MANF: variants seen among roughly 807,000 people sequenced by gnomAD.
MANF encodes the protein mesencephalic astrocyte derived neurotrophic factor, also known as mesencephalic astrocyte-derived neurotrophic factor.
In MANF, 9 loss-of-function variants were observed where a neutral mutation model predicts 19.1. The ratio of observed to expected loss-of-function variants is 0.47; its 90% confidence interval spans 0.28 to 0.82. The LOEUF (loss-of-function observed/expected upper bound fraction) is 0.82. Ranked by LOEUF, MANF falls within the 40% of genes least tolerant of loss-of-function variation. The pLI is 0.10. For synonymous variants in MANF, 89 were observed against 88.0 expected (o/e 1.01, Z -0.06); for missense variants, 225 against 226.7 (o/e 0.99, Z 0.05).
chr3:51,389,065 A>G lies in MANF; in HGVS notation c.525A>G (p.Ala175=), dbSNP rs782744202. 7.4e-6 allele frequency: 12 copies of G among 1,612,756 alleles called. No individual in the cohort carries two copies. In the Admixed American group the frequency reaches 1.2e-4, roughly 16 times the overall value. ...TGATGCCTAAATATGCCCCCAAGGC[A>G]GCCAGTGCACGGACCGATTTGTAGT... The part of the protein sequence containing the change: ...NELMPKYAPK[A]ASARTDL The change falls in exon 4 of 4, where the codon GCA becomes GCG. Residue 175 remains alanine, a synonymous_variant. Transcript: ENST00000528157.
In MANF at chr3:51,387,799, TCTGGCCCAC is replaced by T; in HGVS notation, c.287_295del (p.Leu96_His98del). The T allele has an allele frequency of 6.2e-7, 1 of 1,613,364 alleles. No individual in the cohort carries two copies. On this transcript the variant is annotated inframe_deletion, in exon 3 of 4. Transcript: ENST00000528157. ...AAATCATCAATGAGGTATCAAAGCC[TCTGGCCCAC>T]CACATCCCTGTGGAGAAGATCTGTG...
chr3:51,389,162 A>C lies in MANF; in HGVS notation c.*73A>C. ...CTTACTCCCAAAACAGCCTTTTTGT[A>C]ATTTATTTTTTAAGTGGGCTCCTGA... On this transcript the variant is annotated 3_prime_UTR_variant, in exon 4 of 4. Transcript: ENST00000528157. 1 of 1,389,032 alleles carries C rather than the reference A, an allele frequency of 7.2e-7. No homozygotes were observed. The highest frequency in any genetic ancestry group is 1.3e-5 in the South Asian group (1 of 76,432). 86.0% of individuals were successfully genotyped at this position (1,389,032 alleles called of 1,614,324 possible). A position where few individuals can be genotyped will look rare whatever the true frequency, so the allele number is the denominator to read the frequency against.
At chr3:51,386,992 G>C in intron 2 of MANF, 1 of 455,766 alleles carries the variant, frequency 2.2e-6, no homozygotes. Flanking sequence ...GTTTACACTG[G>C]CTGAATCTGA....
Position 51,385,451 on chromosome 3 carries a change from G to A in MANF, c.94+15G>A. The A allele has an allele frequency of 8.2e-7, 1 of 1,224,888 alleles. No individual in the cohort carries two copies. The allele number at this position is 1,224,888 out of a possible 1,614,324, so 75.9% of individuals were successfully genotyped here. ...CGACTGCGAAGGTGCGGGATAGGGG[G>A]CCGGGGGCCGCGCTCCGTGACCGTT... is the stretch of plus-strand genomic sequence containing the variant. On this transcript the variant is annotated intron_variant, in intron 1 of 3. Coordinates refer to ENST00000528157, the MANE Select transcript of MANF (RefSeq NM_006010.6).
chr3:51,388,618 T>C (rs994849365), intron 3 of MANF, among the ~76,000 whole-genome samples: 2 of 152,136 alleles, frequency 1.3e-5, no homozygotes, highest in Non-Finnish European at 2.9e-5. Context: ...ACTTGGAAGA[T>C]GGGAACCATG....
At chr3:51,386,781 G>C (rs1559453220) in intron 2 of MANF, 1 of 437,008 alleles carries the variant, frequency 2.3e-6, no homozygotes, top group Non-Finnish European at 4.6e-6. Flanking sequence ...CATGTATGTG[G>C]ACAGGAGAAG....
Position 51,386,295 on chromosome 3 carries a change from T to C in MANF, c.182T>C (p.Ile61Thr), listed in dbSNP as rs374995801. The C allele has an allele frequency of 4.3e-5, 69 of 1,613,978 alleles. No individual in the cohort carries two copies. Among genetic ancestry groups the C allele is most frequent in the African/African-American group, 1.9e-4 (14 of 75,046 alleles). ...FSPATIENELIKFCREARGKE... is the reference protein window; with the variant it reads ...FSPATIENELTKFCREARGKE... Reference sequence around the variant, plus strand: ...CCAGCCACTATTGAAAACGAACTTATAAAGTTCTGCCGGGAAGCAAGAGGC... The same window carrying C: ...CCAGCCACTATTGAAAACGAACTTACAAAGTTCTGCCGGGAAGCAAGAGGC... Residue 61 changes from isoleucine to threonine, a missense_variant, in exon 2 of 4, where the codon ATA (isoleucine) becomes ACA (threonine). Transcript: ENST00000528157.
chr3:51,385,749 G>T, intron 1 of MANF: 1 of 304,048 alleles, frequency 3.3e-6, no homozygotes, highest in Non-Finnish European at 6.0e-6. Context: ...CCCGTTCGGC[G>T]TCGGGAGCTC....
Position 51,385,320 on chromosome 3 carries a change from G to GGAGGAGGAGGAGGATGAGGAGGAT in MANF, c.-14_10dup, listed in dbSNP as rs2110698760. ...GGTCGGCGGCGGCAGCGGAGGAGGAGGAGGAGGAGGAGGATGAGGAGGATG... is the reference window on the plus strand; with the variant it reads ...GGTCGGCGGCGGCAGCGGAGGAGGAGGAGGAGGAGGAGGATGAGGAGGATGAGGAGGAGGAGGATGAGGAGGATG... On this transcript the variant is annotated 5_prime_UTR_variant, in exon 1 of 4. It adds an upstream start codon to the 5' untranslated region. Coordinates refer to ENST00000528157, the MANE Select transcript of MANF (RefSeq NM_006010.6). 5 of 1,222,738 alleles carry GGAGGAGGAGGAGGATGAGGAGGAT rather than the reference G, an allele frequency of 4.1e-6. No individual in the cohort carries two copies. The East Asian group carries it at 1.3e-4, about 31-fold the overall frequency. 75.7% of individuals were successfully genotyped at this position (1,222,738 alleles called of 1,614,324 possible).
rs782087534 is a variant in MANF, at chr3:51,389,026, G to A, written c.486G>A (p.Arg162=). ...KGCAEKSDYI[R]KINELMPKYA... ...GTGCAGAAAAGTCTGACTACATCCG[G>A]AAGATAAATGAACTGATGCCTAAAT... The change falls in exon 4 of 4, where the codon CGG becomes CGA. Residue 162 remains arginine (R), a synonymous_variant. Transcript: ENST00000528157. The A allele has an allele frequency of 6.2e-7, 1 of 1,612,208 alleles. No homozygotes were observed. Among genetic ancestry groups the A allele is most frequent in the South Asian group, 1.1e-5 (1 of 90,618 alleles).
In MANF at chr3:51,385,338, G is replaced by T. The variant is rs13091932; in HGVS notation, c.-5G>T. 1 of 1,231,760 alleles carries T rather than the reference G, an allele frequency of 8.1e-7. No homozygotes were observed. The highest frequency in any genetic ancestry group is 1.0e-6 in the Non-Finnish European group (1 of 983,314). The allele number at this position is 1,231,760 out of a possible 1,614,324, so 76.3% of individuals were successfully genotyped here. A position where few individuals can be genotyped will look rare whatever the true frequency, so the allele number is the denominator to read the frequency against. On this transcript the variant is annotated 5_prime_UTR_variant, in exon 1 of 4. The change creates a new upstream start codon in the 5' untranslated region. Coordinates refer to ENST00000528157, the MANE Select transcript of MANF (RefSeq NM_006010.6). ...AGGAGGAGGAGGAGGAGGAGGATGAGGAGGATGAGGAGGATGTGGGCCACG... is the reference window on the plus strand; with the variant it reads ...AGGAGGAGGAGGAGGAGGAGGATGATGAGGATGAGGAGGATGTGGGCCACG...
Position 51,387,788 on chromosome 3 carries a change from G to A in MANF, c.274G>A (p.Val92Ile). ...TGCAGCCACCAAAATCATCAATGAG[G>A]TATCAAAGCCTCTGGCCCACCACAT... is the stretch of plus-strand genomic sequence containing the variant. ...DDAATKIINE[V>I]SKPLAHHIPV... Residue 92 changes from valine (V) to isoleucine (I), a missense_variant, in exon 3 of 4, where the codon GTA (valine) becomes ATA (isoleucine). Val to Ile is a conservative substitution (Grantham distance 29, BLOSUM62 3). Coordinates refer to ENST00000528157, the MANE Select transcript of MANF (RefSeq NM_006010.6). 1 of 1,612,972 alleles carries A rather than the reference G, an allele frequency of 6.2e-7. No homozygotes were observed.
chr3:51,386,508 G>A (rs1553620927), intron 2 of MANF, among the ~76,000 whole-genome samples, 173 bp downstream of exon 2: 2 of 152,224 alleles, frequency 1.3e-5, no homozygotes, highest in Non-Finnish European at 1.5e-5. Context: ...AGCAGCATGT[G>A]TTCTGCAACT....
At chr3:51,386,531 T>TA (rs1165682505) in intron 2 of MANF, among the ~76,000 whole-genome samples, 196 bp downstream of exon 2, 3 of 152,374 alleles carry the variant, frequency 2.0e-5, no homozygotes, top group East Asian at 1.9e-4. Flanking sequence ...GATTTTTTTT[T>TA]ATCCTGTTAG....
chr3:51,386,138 CGGA>C, intron 1 of MANF, 67 bp from the exon 2 acceptor site: 1 of 1,538,856 alleles, frequency 6.5e-7, no homozygotes, highest in Non-Finnish European at 8.9e-7. Flanking sequence ...AAATTGCTGG[CGGA>C]GTTCTTTTCT....
At chr3:51,388,248 G>A (rs1456647790) in intron 3 of MANF, among the ~76,000 whole-genome samples, 1 of 152,188 alleles carries the variant, frequency 6.6e-6, no homozygotes, top group East Asian at 1.9e-4. Context: ...GACATAGTAC[G>A]ACTTGGGTTT....
chr3:51,389,050 A>C lies in MANF; in HGVS notation c.510A>C (p.Lys170Asn), dbSNP rs1553621190. 1.2e-6 allele frequency: 2 copies of C among 1,612,888 alleles called. No homozygotes were observed. The highest frequency in any genetic ancestry group is 2.2e-5 in the South Asian group (2 of 90,790). Residue 170 changes from lysine to asparagine, a missense_variant, in exon 4 of 4, where the codon AAA becomes AAC. Physicochemically the swap from Lys to Asn is moderately conservative, Grantham distance 94 (BLOSUM62 0). Transcript: ENST00000528157. ...YIRKINELMP[K>N]YAPKAASART... ...GGAAGATAAATGAACTGATGCCTAA[A>C]TATGCCCCCAAGGCAGCCAGTGCAC...
chr3:51,386,057 C>T lies in MANF; in HGVS notation c.95-151C>T, dbSNP rs976269996. On this transcript the variant is annotated intron_variant, in intron 1 of 3. Transcript: ENST00000528157. Reference sequence around the variant, plus strand: ...CCACTTGGAACCGGGTTCTGTCTACCTGTAGACACCTGAGAAAAATCGGTG... The same window carrying T: ...CCACTTGGAACCGGGTTCTGTCTACTTGTAGACACCTGAGAAAAATCGGTG... The T allele has an allele frequency of 3.5e-5, 28 of 793,814 alleles. No individual in the cohort carries two copies. The Admixed American group carries it at 4.6e-4, about 13-fold the overall frequency. 49.2% of individuals were successfully genotyped at this position (793,814 alleles called of 1,614,324 possible).
rs1553620677 is a variant in MANF, at chr3:51,385,341, G to A, written c.-2G>A. 2.4e-6 allele frequency: 3 copies of A among 1,234,456 alleles called. No individual in the cohort carries two copies. The highest frequency in any genetic ancestry group is 1.6e-5 in the African/African-American group (1 of 64,414). The allele number at this position is 1,234,456 out of a possible 1,614,324, so 76.5% of individuals were successfully genotyped here. A position where few individuals can be genotyped will look rare whatever the true frequency, so the allele number is the denominator to read the frequency against. On this transcript the variant is annotated 5_prime_UTR_variant, in exon 1 of 4. Coordinates refer to ENST00000528157, the MANE Select transcript of MANF (RefSeq NM_006010.6). ...AGGAGGAGGAGGAGGAGGATGAGGA[G>A]GATGAGGAGGATGTGGGCCACGCAG...
Sources: allele counts gnomAD v4.1 joint callset (sites outside exome capture counted in the v4.1 genomes callset), GRCh38; gene constraint gnomAD v4.1.1; transcripts MANE v1.5; gene names NCBI Gene and HGNC (gene_info 2026-07-23, HGNC 2026-07-21).